Variants in LDLRAD3 observed in about 807,000 individuals in gnomAD.
LDLRAD3 encodes the protein low-density lipoprotein receptor class A domain-containing protein 3.
A neutral mutation model predicts 29.4 loss-of-function variants in LDLRAD3; 20 were observed. The ratio of observed to expected loss-of-function variants is 0.68; its 90% CI spans 0.48 to 0.99. The LOEUF is 0.99. LDLRAD3 is among the 50% of genes least tolerant of loss of function. The pLI, the probability that LDLRAD3 is intolerant of heterozygous loss-of-function variation, is 0.00. For synonymous variants in LDLRAD3, 157 were observed against 192.7 expected, an observed-to-expected ratio of 0.81 and a Z score of 1.53; for missense variants, 420 against 454.3, an observed-to-expected ratio of 0.92 and a Z score of 0.69.
At chr11:36,148,031 C>T (rs921703069) in intron 4 of LDLRAD3, among the ~76,000 whole-genome samples, 4 of 152,044 alleles carry the variant, frequency 2.6e-5, no homozygotes, top group Admixed American at 6.5e-5. Flanking sequence ...CCACCAGCCT[C>T]GGCTAATGGT....
intron 2 of LDLRAD3, among the ~76,000 whole-genome samples, chr11:36,039,029 G>A (rs1852344816): frequency 6.7e-6 from 1 of 149,940 alleles, no homozygotes; most frequent in Non-Finnish European, 1.5e-5. Context: ...GAATGCAGTG[G>A]CGTGATCTCG....
rs182610378 is a variant in LDLRAD3, at chr11:36,060,052, G to A, written c.194-21601G>A. On this transcript the variant is annotated intron_variant, in intron 2 of 5. Transcript: ENST00000315571. Reference sequence around the variant, plus strand: ...TCATTTTACAGATAAGGAAATGGAGGCATCAGAAGTTATATAACTCAGCTG... The same window carrying A: ...TCATTTTACAGATAAGGAAATGGAGACATCAGAAGTTATATAACTCAGCTG... 7.9e-5 allele frequency among the ~76,000 whole-genome samples: 12 copies of A among 152,330 alleles called. No homozygotes were observed. The East Asian group carries it at 1.9e-3, about 25-fold the overall frequency.
intron 2 of LDLRAD3, among the ~76,000 whole-genome samples, chr11:36,072,971 A>G (rs1299148794): frequency 1.3e-5 from 2 of 152,068 alleles, no homozygotes; most frequent in Non-Finnish European, 1.5e-5. Context: ...ACATGTAGCT[A>G]TAAAGTTTCT....
chr11:36,104,866 C>G (rs1165654921), intron 4 of LDLRAD3, among the ~76,000 whole-genome samples: 2 of 152,156 alleles, frequency 1.3e-5, no homozygotes, highest in African/African-American at 2.4e-5. Flanking sequence ...CCAGGACTTT[C>G]AGGCGGTCAG....
chr11:36,023,297 G>A (rs1165712803), intron 1 of LDLRAD3, among the ~76,000 whole-genome samples: 1 of 152,140 alleles, frequency 6.6e-6, no homozygotes, highest in Non-Finnish European at 1.5e-5. Context: ...TAATCCATAG[G>A]GAACGGGAGG....
At chr11:36,178,244 A>G (rs558553678) in intron 4 of LDLRAD3, among the ~76,000 whole-genome samples, 4 of 151,990 alleles carry the variant, frequency 2.6e-5, no homozygotes, top group Admixed American at 2.6e-4. Flanking sequence ...CTTGCCTCCA[A>G]CTCTATGGAG....
intron 1 of LDLRAD3, among the ~76,000 whole-genome samples, chr11:36,035,853 G>T (rs1237637637): frequency 3.9e-5 from 6 of 152,166 alleles, no homozygotes; most frequent in African/African-American, 1.4e-4. Context: ...AAAAGTCAGT[G>T]AACACCCATT....
intron 1 of LDLRAD3, among the ~76,000 whole-genome samples, chr11:36,031,223 G>T (rs567874918): frequency 6.6e-6 from 1 of 152,110 alleles, no homozygotes; most frequent in South Asian, 2.1e-4. Context: ...AGCCAACTTC[G>T]TGCTAATGCT....
chr11:35,987,994 T>C (rs1220012844), intron 1 of LDLRAD3, among the ~76,000 whole-genome samples: 1 of 152,218 alleles, frequency 6.6e-6, no homozygotes, highest in Non-Finnish European at 1.5e-5. Flanking sequence ...ATTATGGTTT[T>C]GATTTGCATT....
chr11:36,062,333 C>T (rs1166718516), intron 2 of LDLRAD3, among the ~76,000 whole-genome samples: 1 of 152,166 alleles, frequency 6.6e-6, no homozygotes, highest in Non-Finnish European at 1.5e-5. Context: ...GTTCTTCAAC[C>T]TCAAAAGTAT....
At chr11:36,225,088 C>G (rs1318061408) in intron 4 of LDLRAD3, among the ~76,000 whole-genome samples, 1 of 152,162 alleles carries the variant, frequency 6.6e-6, no homozygotes, top group Admixed American at 6.5e-5. Context: ...AGACGCACAC[C>G]TAGTGATGAG....
chr11:36,009,670 T>A (rs1851930363), intron 1 of LDLRAD3, among the ~76,000 whole-genome samples: 1 of 152,230 alleles, frequency 6.6e-6, no homozygotes, highest in Admixed American at 6.5e-5. Flanking sequence ...ATTCGTTCTG[T>A]TGCTGATTTG....
At chr11:36,223,729 A>G (rs1021271388) in intron 4 of LDLRAD3, among the ~76,000 whole-genome samples, 2 of 133,028 alleles carry the variant, frequency 1.5e-5, no homozygotes, top group African/African-American at 5.7e-5. Context: ...AAAAATACAT[A>G]TTAAACATTA....
intron 1 of LDLRAD3, chr11:35,967,867 C>T: frequency 2.5e-6 from 1 of 404,986 alleles, no homozygotes; most frequent in South Asian, 1.9e-5. Context: ...TATCTTCTGC[C>T]TGTAAGGGGT....
intron 2 of LDLRAD3, among the ~76,000 whole-genome samples, chr11:36,039,850 C>T (rs1298113339): frequency 1.3e-5 from 2 of 152,210 alleles, no homozygotes; most frequent in Non-Finnish European, 2.9e-5. Context: ...ATTTAAAGAA[C>T]TTATGCATAA....
intron 4 of LDLRAD3, among the ~76,000 whole-genome samples, chr11:36,140,992 T>TCCTCTCTCTCTCTC (rs1854073899): frequency 1.8e-5 from 2 of 109,996 alleles, no homozygotes; most frequent in Non-Finnish European, 3.7e-5. Context: ...CTGTTGAGCT[T>TCCTCTCTCTCTCTC]TCTCTCTCTC....
chr11:36,142,401 A>G (rs1318238540), intron 4 of LDLRAD3, among the ~76,000 whole-genome samples: 1 of 152,196 alleles, frequency 6.6e-6, no homozygotes, highest in Non-Finnish European at 1.5e-5. Context: ...TCCGTTTAGT[A>G]GCTGCTGGTG....
At chr11:36,163,120 C>G (rs745758326) in intron 4 of LDLRAD3, among the ~76,000 whole-genome samples, 2 of 152,174 alleles carry the variant, frequency 1.3e-5, no homozygotes, top group Admixed American at 6.5e-5. Context: ...ACGCATTAGG[C>G]GAGAAGCCAG....
chr11:36,217,889 C>A (rs1855373790), intron 4 of LDLRAD3, among the ~76,000 whole-genome samples: 1 of 152,206 alleles, frequency 6.6e-6, no homozygotes, highest in African/African-American at 2.4e-5. Context: ...TAAAGACACT[C>A]ATCATTGGAT....
Sources: allele counts gnomAD v4.1 joint callset (sites outside exome capture counted in the v4.1 genomes callset), GRCh38; gene constraint gnomAD v4.1.1; transcripts MANE v1.5; gene names NCBI Gene and HGNC (gene_info 2026-07-23, HGNC 2026-07-21).